Variants in PDE1C observed in about 807,000 individuals in gnomAD.
PDE1C encodes the protein phosphodiesterase 1C.
In PDE1C, 62 loss-of-function variants were observed where a neutral mutation model predicts 93.1. That is an observed-to-expected ratio of 0.67 (90% confidence interval 0.54 to 0.82). PDE1C has a LOEUF of 0.82. Among genes scored for constraint, PDE1C ranks in the 40% least tolerant of loss-of-function variants. The pLI is 0.00. For synonymous variants in PDE1C, 325 were observed against 310.1 expected, an observed-to-expected ratio of 1.05 and a Z score of -0.50; for missense variants, 742 against 884.6, an observed-to-expected ratio of 0.84 and a Z score of 2.04.
intron 15 of PDE1C, 116 bp from the exon 16 acceptor site, chr7:31,809,224 T>G (rs1787253669): frequency 3.3e-6 from 2 of 604,958 alleles, no homozygotes; most frequent in East Asian, 5.6e-5. Context: ...GTCATAAGAG[T>G]GTATGTGTCT....
At chr7:31,967,307 T>G (rs1033008627) in intron 2 of PDE1C, among the ~76,000 whole-genome samples, 5 of 152,192 alleles carry the variant, frequency 3.3e-5, no homozygotes, top group Non-Finnish European at 5.9e-5. Flanking sequence ...AAATACAAAC[T>G]ACTATCAGAG....
At chr7:32,200,253 T>C (rs1319500298) in intron 2 of PDE1C, among the ~76,000 whole-genome samples, 1 of 152,208 alleles carries the variant, frequency 6.6e-6, no homozygotes, top group African/African-American at 2.4e-5. Context: ...AGCTCATACT[T>C]AGTTGGTCTT....
chr7:32,185,200 G>C (rs1012795565), intron 2 of PDE1C, among the ~76,000 whole-genome samples: 6 of 143,412 alleles, frequency 4.2e-5, no homozygotes, highest in Non-Finnish European at 6.0e-5. Context: ...AGCTGAGATA[G>C]TGCCATTGCA....
chr7:32,222,244 T>C (rs542556936), intron 1 of PDE1C, among the ~76,000 whole-genome samples: 59 of 152,326 alleles, frequency 3.9e-4, no homozygotes, highest in Non-Finnish European at 7.2e-4. Flanking sequence ...CGTTACCAAC[T>C]GGCTTCAGGC....
chr7:32,288,167 G>A (rs1812117161), intron 1 of PDE1C, among the ~76,000 whole-genome samples: 1 of 152,226 alleles, frequency 6.6e-6, no homozygotes, highest in Non-Finnish European at 1.5e-5. Flanking sequence ...AAAACAAAAT[G>A]TAGAAACTAG....
chr7:31,745,185 G>T, the PDE1C span, among the ~76,000 whole-genome samples: 1 of 152,190 alleles, frequency 6.6e-6, no homozygotes, highest in African/African-American at 2.4e-5. Flanking sequence ...ATTGCCTGGC[G>T]CTCTGTGTCG....
intron 1 of PDE1C, among the ~76,000 whole-genome samples, chr7:32,413,369 ATTT>A (rs1440825138): frequency 6.6e-6 from 1 of 152,220 alleles, no homozygotes; most frequent in African/African-American, 2.4e-5. Flanking sequence ...TGTGTTTTAA[ATTT>A]TTAATAATAA....
At chr7:32,210,207 A>G (rs1805897798) in intron 1 of PDE1C, among the ~76,000 whole-genome samples, 1 of 152,206 alleles carries the variant, frequency 6.6e-6, no homozygotes, top group African/African-American at 2.4e-5. Context: ...TTATGAACCC[A>G]TTGTATTGGG....
chr7:32,373,963 C>G (rs2128088218), intron 1 of PDE1C, among the ~76,000 whole-genome samples: 1 of 151,602 alleles, frequency 6.6e-6, no homozygotes, highest in African/African-American at 2.4e-5. Flanking sequence ...CGCCACTGCA[C>G]TCCAGCCTAG....
chr7:31,646,886 G>T, the PDE1C span, among the ~76,000 whole-genome samples: 2 of 152,078 alleles, frequency 1.3e-5, no homozygotes, highest in African/African-American at 2.4e-5. Context: ...TACAAAAAAA[G>T]GTACTTTTAT....
chr7:32,011,247 C>T (rs1787058447), intron 2 of PDE1C, among the ~76,000 whole-genome samples: 1 of 151,338 alleles, frequency 6.6e-6, no homozygotes, highest in African/African-American at 2.4e-5. Flanking sequence ...GGCTGGAGTG[C>T]AGTGGTGCAA....
intron 3 of PDE1C, among the ~76,000 whole-genome samples, chr7:32,110,569 A>G (rs1798583679): frequency 6.6e-6 from 1 of 152,192 alleles, no homozygotes; most frequent in African/African-American, 2.4e-5. Context: ...TCATCCCTCA[A>G]GATGGTACTT....
At chr7:31,969,302 AC>A (rs1420650131) in intron 2 of PDE1C, among the ~76,000 whole-genome samples, 1 of 151,880 alleles carries the variant, frequency 6.6e-6, no homozygotes, top group Non-Finnish European at 1.5e-5. Flanking sequence ...CAAGAAAAAA[AC>A]AAACAACCCT....
At position 31,821,282 on chromosome 7, in the gene PDE1C, C is replaced by A. The variant is rs150359550; in HGVS notation, c.1582+1791G>T. Reference sequence around the variant, plus strand: ...CACACAGTTATCTCTATCCCCATACCAAATGCATTTAAAAATTATTAGCTG... The same window carrying A: ...CACACAGTTATCTCTATCCCCATACAAAATGCATTTAAAAATTATTAGCTG... On this transcript the variant is annotated intron_variant, in intron 14 of 17. Coordinates refer to ENST00000396191, the MANE Select transcript of PDE1C (RefSeq NM_001191057.4). Among the ~76,000 whole-genome samples the A allele has an allele frequency of 3.8e-3, 586 of 152,254 alleles. 5 individuals carry two copies. The highest frequency in any genetic ancestry group is 0.013 in the African/African-American group (549 of 41,544).
chr7:31,808,123 T>C, intron 16 of PDE1C: 1 of 426,836 alleles, frequency 2.3e-6, no homozygotes, highest in Non-Finnish European at 4.5e-6. Context: ...GTGCAAAGAA[T>C]TACGTTCCAA....
chr7:31,642,712 G>C, the PDE1C span: 1 of 1,613,814 alleles, frequency 6.2e-7, no homozygotes, highest in African/African-American at 1.3e-5. Context: ...CCAGAGTCCT[G>C]CTGAGAATGG....
intron 1 of PDE1C, among the ~76,000 whole-genome samples, chr7:32,271,920 C>T (rs940783849): frequency 2.6e-5 from 4 of 152,158 alleles, no homozygotes; most frequent in Non-Finnish European, 4.4e-5. Context: ...GGCTGTCTTG[C>T]TTAGGAACTC....
At chr7:32,409,603 C>CA (rs768496980) in intron 1 of PDE1C, among the ~76,000 whole-genome samples, 2 of 151,956 alleles carry the variant, frequency 1.3e-5, no homozygotes, top group East Asian at 3.9e-4. Context: ...AGATATGGTT[C>CA]AATATTTGGA....
intron 1 of PDE1C, among the ~76,000 whole-genome samples, chr7:32,220,712 G>A (rs537386108): frequency 1.2e-4 from 19 of 152,332 alleles, no homozygotes; most frequent in South Asian, 2.1e-4. Flanking sequence ...CAGCTACTCG[G>A]GAGGCTGAGG....
Sources: allele counts gnomAD v4.1 joint callset (sites outside exome capture counted in the v4.1 genomes callset), GRCh38; gene constraint gnomAD v4.1.1; transcripts MANE v1.5; gene names NCBI Gene and HGNC (gene_info 2026-07-23, HGNC 2026-07-21).